PAX3: variants seen among roughly 807,000 people sequenced by gnomAD.
PAX3 encodes the protein paired box 3, also known as paired box protein Pax-3.
In PAX3, 14 loss-of-function variants were observed where a neutral mutation model predicts 51.6. The ratio of observed to expected loss-of-function variants is 0.27; its 90% CI spans 0.18 to 0.42. The LOEUF is 0.42. Among genes scored for constraint, PAX3 ranks in the 10% least tolerant of loss-of-function variants. The pLI is 1.00. For missense variants in PAX3, 540 were observed against 642.8 expected, an observed-to-expected ratio of 0.84 and a Z score of 1.73; for synonymous variants, 280 against 253.4, an observed-to-expected ratio of 1.11 and a Z score of -1.00.
rs565875680 is a variant in PAX3 at position 222,200,958 on chromosome 2, G to A, written c.*450C>T. ...TGTAGAAGTATCAGCATCGAACATC[G>A]ACATGTTATACTTTAGGGTATTCTA... On this transcript the variant is annotated 3_prime_UTR_variant, in exon 9 of 9. Transcript: ENST00000392070. 19 of 589,136 alleles carry A rather than the reference G, an allele frequency of 3.2e-5. No homozygotes were observed. In the South Asian group the frequency reaches 3.3e-4, roughly 10 times the overall value. The allele number at this position is 589,136 out of a possible 1,614,324, so 36.5% of individuals were successfully genotyped here. A position where few individuals can be genotyped will look rare whatever the true frequency, so the allele number is the denominator to read the frequency against.
At chr2:222,265,416 G>A (rs758815224) in intron 4 of PAX3, among the ~76,000 whole-genome samples, 1 of 152,182 alleles carries the variant, frequency 6.6e-6, no homozygotes, top group Non-Finnish European at 1.5e-5. Context: ...CACTTTGGGA[G>A]GCCAAGGCGG....
intron 5 of PAX3, among the ~76,000 whole-genome samples, chr2:222,231,008 T>C (rs1486333953): frequency 6.6e-6 from 1 of 152,224 alleles, no homozygotes; most frequent in Non-Finnish European, 1.5e-5. Flanking sequence ...CAGAGAACTG[T>C]CTTAATTGAT....
intron 8 of PAX3, 116 bp from the exon 9 acceptor site, chr2:222,201,558 A>C: frequency 7.0e-7 from 1 of 1,436,078 alleles, no homozygotes; most frequent in Non-Finnish European, 9.8e-7. Context: ...AAGGCTTGAG[A>C]CTAATATTTT....
At chr2:222,231,019 C>T (rs1377060733) in intron 5 of PAX3, among the ~76,000 whole-genome samples, 1 of 152,102 alleles carries the variant, frequency 6.6e-6, no homozygotes, top group Non-Finnish European at 1.5e-5. Flanking sequence ...CTTAATTGAT[C>T]TTAGCATTCC....
At chr2:222,235,308 C>T (rs916279331) in intron 4 of PAX3, among the ~76,000 whole-genome samples, 1 of 152,150 alleles carries the variant, frequency 6.6e-6, no homozygotes, top group African/African-American at 2.4e-5. Flanking sequence ...ACCCTTAGAA[C>T]ACAGTAGGCA....
intron 5 of PAX3, among the ~76,000 whole-genome samples, chr2:222,231,528 G>A (rs45599837): frequency 0.021 from 3,241 of 152,262 alleles, 108 homozygotes; most frequent in African/African-American, 0.074. Flanking sequence ...GTTAAATGAA[G>A]GAATTTCATG....
intron 4 of PAX3, among the ~76,000 whole-genome samples, chr2:222,269,963 A>G (rs12613659): frequency 0.12 from 17,967 of 151,968 alleles, 1,344 homozygotes; most frequent in East Asian, 0.25. Context: ...AAATAGTAAA[A>G]CTGTATCTCT....
At chr2:222,280,170 T>C (rs915360462) in intron 4 of PAX3, among the ~76,000 whole-genome samples, 2 of 151,434 alleles carry the variant, frequency 1.3e-5, no homozygotes, top group African/African-American at 2.4e-5. Flanking sequence ...GAGATTGTGC[T>C]GTTGCACTGC....
chr2:222,287,683 T>C (rs1694880195), intron 4 of PAX3, among the ~76,000 whole-genome samples: 2 of 152,234 alleles, frequency 1.3e-5, no homozygotes, highest in Non-Finnish European at 1.5e-5. Context: ...GCTTAATCTA[T>C]TTCAGGCAGT....
At chr2:222,295,054 C>T (rs1695220436) in intron 3 of PAX3, among the ~76,000 whole-genome samples, 1 of 152,002 alleles carries the variant, frequency 6.6e-6, no homozygotes, top group Non-Finnish European at 1.5e-5. Flanking sequence ...CTCCCTCCGC[C>T]TCCCCCAGGC....
chr2:222,272,378 A>G (rs1694284471), intron 4 of PAX3, among the ~76,000 whole-genome samples: 1 of 152,204 alleles, frequency 6.6e-6, no homozygotes, highest in Non-Finnish European at 1.5e-5. Context: ...GATCTAAACA[A>G]ATCTCTAGGA....
chr2:222,298,917 C>CA lies in PAX3; in HGVS notation c.-303dup. The CA allele has an allele frequency of 2.0e-6, 1 of 508,202 alleles. No homozygotes were observed. The highest frequency in any genetic ancestry group is 2.2e-5 in the South Asian group (1 of 45,706). The allele number at this position is 508,202 out of a possible 1,614,324, so 31.5% of individuals were successfully genotyped here. ...GACTGGGGTCCCTGAAAAGGGGGCTCAGAGAGCCACGGCGAGCCGGGGAGC... is the reference window on the plus strand; with the variant it reads ...GACTGGGGTCCCTGAAAAGGGGGCTCAAGAGAGCCACGGCGAGCCGGGGAGC... On this transcript the variant is annotated 5_prime_UTR_variant, in exon 1 of 9. Transcript: ENST00000392070.
Position 222,277,061 on chromosome 2 carries a change from C to T in PAX3, c.586+17106G>A, listed in dbSNP as rs182399056. On this transcript the variant is annotated intron_variant, in intron 4 of 8. Coordinates refer to ENST00000392070, the MANE Select transcript of PAX3 (RefSeq NM_181458.4). ...TCACACTTTACACACAGAAGCGTAC[C>T]ATCTCTCCCCACCTCTGCTGAACAA... 5.3e-5 allele frequency among the ~76,000 whole-genome samples: 8 copies of T among 152,206 alleles called. 1 individual carries two copies. The East Asian group carries it at 1.5e-3, about 29-fold the overall frequency.
intron 5 of PAX3, among the ~76,000 whole-genome samples, chr2:222,224,205 A>G (rs1278027955): frequency 1.3e-5 from 2 of 152,318 alleles, no homozygotes; most frequent in East Asian, 1.9e-4. Context: ...TACAGTATCT[A>G]TTATATCCAC....
intron 4 of PAX3, among the ~76,000 whole-genome samples, chr2:222,255,907 C>T (rs567189572): frequency 5.4e-5 from 8 of 146,990 alleles, no homozygotes; most frequent in East Asian, 4.0e-4. Context: ...CACGCCACTA[C>T]GCCCAGCTAA....
intron 4 of PAX3, among the ~76,000 whole-genome samples, chr2:222,262,127 C>T (rs1335827106): frequency 1.3e-5 from 2 of 152,162 alleles, no homozygotes; most frequent in African/African-American, 4.8e-5. Context: ...TTCTTTTGCT[C>T]AACATAACAT....
At position 222,275,247 on chromosome 2, in the gene PAX3, G is replaced by A. The variant is rs112130666; in HGVS notation, c.586+18920C>T. Among the ~76,000 whole-genome samples the A allele has an allele frequency of 4.1e-3, 628 of 152,002 alleles. 2 individuals are homozygous for A. The highest frequency in any genetic ancestry group is 0.014 in the Middle Eastern group (4 of 294). On this transcript the variant is annotated intron_variant, in intron 4 of 8. Coordinates refer to ENST00000392070, the MANE Select transcript of PAX3 (RefSeq NM_181458.4). Reference sequence around the variant, plus strand: ...TATAGTTCTTCTTCCTAACATTCTCGTTTTATAATGTTTGGCTTCTATTTT... The same window carrying A: ...TATAGTTCTTCTTCCTAACATTCTCATTTTATAATGTTTGGCTTCTATTTT...
Position 222,282,206 on chromosome 2 carries a change from G to A in PAX3, c.586+11961C>T, listed in dbSNP as rs372172464. 6.5e-4 allele frequency among the ~76,000 whole-genome samples: 99 copies of A among 152,150 alleles called. 1 individual carries two copies. The South Asian group carries it at 0.011, about 16-fold the overall frequency. On this transcript the variant is annotated intron_variant, in intron 4 of 8. Transcript: ENST00000392070. ...TGGCAATCATAGCTCCAGTTTTCTCGGGAGGGTTTTGAGGGGGTTGTATTT... is the reference window on the plus strand; with the variant it reads ...TGGCAATCATAGCTCCAGTTTTCTCAGGAGGGTTTTGAGGGGGTTGTATTT...
intron 4 of PAX3, among the ~76,000 whole-genome samples, chr2:222,267,186 A>G (rs1194940183): frequency 6.6e-6 from 1 of 152,220 alleles, no homozygotes; most frequent in Non-Finnish European, 1.5e-5. Context: ...TCCTCATAGC[A>G]CACATTTTTG....
Sources: allele counts gnomAD v4.1 joint callset (sites outside exome capture counted in the v4.1 genomes callset), GRCh38; gene constraint gnomAD v4.1.1; transcripts MANE v1.5; gene names NCBI Gene and HGNC (gene_info 2026-07-23, HGNC 2026-07-21).